The following TMPRSS3 variants were observed in gnomAD, a reference collection of about 807,000 sequenced individuals.
The protein encoded by TMPRSS3 is transmembrane serine protease 3.
In TMPRSS3, 55 loss-of-function variants were observed where a neutral mutation model predicts 59.6. That is an observed-to-expected ratio of 0.92 (90% CI 0.74 to 1.16). TMPRSS3 has a LOEUF of 1.16. TMPRSS3 is among the 50% of genes most tolerant of loss of function. TMPRSS3 has a pLI of 0.00. For missense variants in TMPRSS3, 596 were observed against 579.4 expected, an observed-to-expected ratio of 1.03 and a Z score of -0.29; for synonymous variants, 257 against 237.7, an observed-to-expected ratio of 1.08 and a Z score of -0.75.
At chr21:42,391,983 AC>A (rs2146456235) in intron 2 of TMPRSS3, among the ~76,000 whole-genome samples, 1 of 152,234 alleles carries the variant, frequency 6.6e-6, no homozygotes, top group South Asian at 2.1e-4. Context: ...AGGCCATTTC[AC>A]CTAAATTACC....
chr21:42,383,637 C>T (rs1364032845), intron 7 of TMPRSS3: 4 of 555,036 alleles, frequency 7.2e-6, no homozygotes, highest in South Asian at 3.8e-5. Context: ...GGGCACTGCC[C>T]GAGGCCTGGA....
chr21:42,375,868 C>T lies in TMPRSS3; in HGVS notation c.1192G>A (p.Gly398Arg), dbSNP rs1272125060. The T allele has an allele frequency of 1.9e-6, 3 of 1,613,490 alleles. No homozygotes were observed. The highest frequency in any genetic ancestry group is 2.5e-6 in the Non-Finnish European group (3 of 1,180,014). ...CACACCAGGGGCCCCCCGCTGTCCC[C>T]CTGGGTGACAGGAAAGAAGCAAAGA... ...YLTGGVDSCQ[G>R]DSGGPLVCQE... The change falls in exon 12 of 13, where the codon GGG (glycine) becomes AGG (arginine). Residue 398 changes from glycine to arginine, a missense_variant and splice_region_variant. By Grantham distance (125) the Gly-to-Arg change is moderately radical (BLOSUM62 -2). Coordinates refer to ENST00000644384, the MANE Select transcript of TMPRSS3 (RefSeq NM_001256317.3).
chr21:42,382,988 C>T, intron 8 of TMPRSS3, 45 bp downstream of exon 8: 7 of 1,612,102 alleles, frequency 4.3e-6, no homozygotes, highest in Non-Finnish European at 5.9e-6. Flanking sequence ...CCTGACATGA[C>T]CCAGGAGTGA....
intron 5 of TMPRSS3, 115 bp from the exon 6 acceptor site, chr21:42,385,649 C>T: frequency 7.3e-7 from 1 of 1,374,868 alleles, no homozygotes; most frequent in East Asian, 2.3e-5. Context: ...TCATTTTGTC[C>T]CCCCAAACCC....
At chr21:42,383,910 G>A (rs1369899548) in intron 7 of TMPRSS3, 60 bp downstream of exon 7, 3 of 1,575,722 alleles carry the variant, frequency 1.9e-6, no homozygotes, top group South Asian at 2.2e-5. Flanking sequence ...CTGAGGGCAA[G>A]GAGATAGGAC....
At chr21:42,377,743 G>A (rs1341050733) in intron 10 of TMPRSS3, among the ~76,000 whole-genome samples, 1 of 152,200 alleles carries the variant, frequency 6.6e-6, no homozygotes, top group Non-Finnish European at 1.5e-5. Flanking sequence ...CTGAGGGGCT[G>A]CTCTGAGGAG....
chr21:42,376,493 G>A (rs915066211), intron 11 of TMPRSS3, 48 bp downstream of exon 11: 1 of 1,609,636 alleles, frequency 6.2e-7, no homozygotes, highest in African/African-American at 1.3e-5. Context: ...CCTGTCCCAA[G>A]GGCTGGGTCA....
intron 12 of TMPRSS3, among the ~76,000 whole-genome samples, chr21:42,373,573 A>G (rs1478934325): frequency 6.6e-6 from 1 of 152,010 alleles, no homozygotes; most frequent in African/African-American, 2.4e-5. Context: ...TCCCAATCAG[A>G]CTCCAGATAA....
intron 5 of TMPRSS3, among the ~76,000 whole-genome samples, chr21:42,387,330 G>T (rs761089741): frequency 1.0e-3 from 156 of 151,790 alleles, no homozygotes; most frequent in Non-Finnish European, 1.8e-3. Context: ...AGGCTCAGCG[G>T]GGAAGAGAAA....
At position 42,390,038 on chromosome 21, in the gene TMPRSS3, C is replaced by G; in HGVS notation, c.95-1G>C. Reference sequence around the variant, plus strand: ...ATCTGTGCAGCAACAGCATCTGCATCTGAAAACCAGAAAAAGGAAGAGCAG... The same window carrying G: ...ATCTGTGCAGCAACAGCATCTGCATGTGAAAACCAGAAAAAGGAAGAGCAG... On this transcript the variant is annotated splice_acceptor_variant, in intron 2 of 12. Coordinates refer to ENST00000644384, the MANE Select transcript of TMPRSS3 (RefSeq NM_001256317.3). LOFTEE classifies it high-confidence loss of function. The G allele has an allele frequency of 6.2e-7, 1 of 1,612,380 alleles. No homozygotes were observed. Among genetic ancestry groups the G allele is most frequent in the Non-Finnish European group, 8.5e-7 (1 of 1,178,394 alleles).
At chr21:42,389,424 G>A (rs538984594) in intron 3 of TMPRSS3, among the ~76,000 whole-genome samples, 5 of 152,366 alleles carry the variant, frequency 3.3e-5, no homozygotes, top group Non-Finnish European at 5.9e-5. Context: ...GGCAGAAAGT[G>A]AACGAAGTGT....
chr21:42,382,898 T>C (rs1301370920), intron 8 of TMPRSS3, 135 bp downstream of exon 8: 2 of 1,086,290 alleles, frequency 1.8e-6, no homozygotes, highest in East Asian at 5.1e-5. Flanking sequence ...TGGAGACTCC[T>C]CTCCAACTGT....
chr21:42,389,353 G>A (rs2052695362), intron 3 of TMPRSS3, among the ~76,000 whole-genome samples: 1 of 152,202 alleles, frequency 6.6e-6, no homozygotes, highest in African/African-American at 2.4e-5. Context: ...GACCTGCTGA[G>A]CCAGCCGAGC....
At chr21:42,394,677 C>G (rs1385735961) in intron 2 of TMPRSS3, among the ~76,000 whole-genome samples, 1 of 152,156 alleles carries the variant, frequency 6.6e-6, no homozygotes, top group Non-Finnish European at 1.5e-5. Flanking sequence ...AGGCAGAGCT[C>G]CTGTGGTTCC....
At chr21:42,391,966 G>A (rs2052740143) in intron 2 of TMPRSS3, among the ~76,000 whole-genome samples, 1 of 152,126 alleles carries the variant, frequency 6.6e-6, no homozygotes, top group South Asian at 2.1e-4. Context: ...TCCCTCCTGG[G>A]GAGAGCAGGC....
Position 42,388,803 on chromosome 21 carries a change from T to A in TMPRSS3, c.322+126A>T. 9.8e-7 allele frequency: 1 copy of A among 1,017,392 alleles called. No individual in the cohort carries two copies. The highest frequency in any genetic ancestry group is 1.8e-5 in the Admixed American group (1 of 57,060). 63.0% of individuals were successfully genotyped at this position (1,017,392 alleles called of 1,614,324 possible). A position where few individuals can be genotyped will look rare whatever the true frequency, so the allele number is the denominator to read the frequency against. On this transcript the variant is annotated intron_variant, in intron 4 of 12. Coordinates refer to ENST00000644384, the MANE Select transcript of TMPRSS3 (RefSeq NM_001256317.3). The surrounding 1 kb of genome is among the most constrained non-coding windows in gnomAD (Gnocchi z 5.1). ...CAACATGTCTTTGGGCAAACGCCAG[T>A]TCAATCCCAGCTGAAGACATGACCT...
Position 42,395,405 on chromosome 21 carries a change from C to A in TMPRSS3, c.13G>T (p.Asp5Tyr), listed in dbSNP as rs2052791470. The A allele has an allele frequency of 6.2e-7, 1 of 1,614,050 alleles. No homozygotes were observed. Among genetic ancestry groups the A allele is most frequent in the Non-Finnish European group, 8.5e-7 (1 of 1,180,004 alleles). MGEN[D>Y]PPAVEAPFSF... ...AAGGGGGCTTCAACAGCAGGCGGAT[C>A]ATTTTCCCCCATGGTGACTATTTCA... Residue 5 changes from aspartate (D) to tyrosine (Y), a missense_variant, in exon 2 of 13, where the codon GAT (aspartate) becomes TAT (tyrosine). Transcript: ENST00000644384.
intron 2 of TMPRSS3, among the ~76,000 whole-genome samples, chr21:42,394,046 C>A (rs2052766638): frequency 6.6e-6 from 1 of 152,086 alleles, no homozygotes; most frequent in African/African-American, 2.4e-5. Flanking sequence ...ATAGGATTAT[C>A]TCTGAGTAAT....
intron 12 of TMPRSS3, among the ~76,000 whole-genome samples, chr21:42,374,088 G>GC (rs1478780517): frequency 6.6e-6 from 1 of 152,078 alleles, no homozygotes; most frequent in Non-Finnish European, 1.5e-5. Flanking sequence ...ACCCTTCTGT[G>GC]CCCCCCAGGC....
Sources: allele counts gnomAD v4.1 joint callset (sites outside exome capture counted in the v4.1 genomes callset), GRCh38; gene constraint gnomAD v4.1.1; non-coding constraint Gnocchi (gnomAD v3.1); transcripts MANE v1.5; gene names NCBI Gene and HGNC (gene_info 2026-07-23, HGNC 2026-07-21).